Variants in PLS1 observed in about 807,000 individuals in gnomAD.
PLS1 encodes the protein plastin 1, also known as plastin-1.
Under a neutral mutation model 73.7 loss-of-function variants are expected in PLS1, and 32 were observed. That is an observed-to-expected ratio of 0.43 (90% CI 0.33 to 0.58). The LOEUF (loss-of-function observed/expected upper bound fraction) is 0.58. PLS1 is among the 20% of genes least tolerant of loss of function. The pLI is 0.04. For missense variants in PLS1, 633 were observed against 740.5 expected, an observed-to-expected ratio of 0.85 and a Z score of 1.68; for synonymous variants, 217 against 261.3, an observed-to-expected ratio of 0.83 and a Z score of 1.63.
chr3:142,599,405 C>G (rs905102116), intron 1 of PLS1, among the ~76,000 whole-genome samples: 28 of 148,032 alleles, frequency 1.9e-4, no homozygotes, highest in Non-Finnish European at 3.7e-4. Context: ...TCTCGGCTCA[C>G]TGCAAGCTCC....
chr3:142,598,219 C>G (rs948848665), intron 1 of PLS1, among the ~76,000 whole-genome samples: 1 of 152,114 alleles, frequency 6.6e-6, no homozygotes, highest in East Asian at 1.9e-4. Context: ...TCCCAACTTC[C>G]CGACCAGGAA....
At chr3:142,642,460 GA>G in intron 1 of PLS1, among the ~76,000 whole-genome samples, 1 of 152,114 alleles carries the variant, frequency 6.6e-6, no homozygotes, top group South Asian at 2.1e-4. Context: ...CCTACAAATG[GA>G]ATTGTTTCAT....
intron 1 of PLS1, among the ~76,000 whole-genome samples, chr3:142,634,616 C>T (rs2036637721): frequency 6.6e-6 from 1 of 151,924 alleles, no homozygotes; most frequent in Non-Finnish European, 1.5e-5. Flanking sequence ...GAAAAACAGT[C>T]AACCTAGAAT....
intron 1 of PLS1, among the ~76,000 whole-genome samples, chr3:142,647,504 T>TTTC (rs11375725): frequency 5.7e-4 from 17 of 29,690 alleles, no homozygotes; most frequent in Admixed American, 7.2e-4. Flanking sequence ...TTTTCTTTTC[T>TTTC]TTTTTTTTTT....
intron 1 of PLS1, among the ~76,000 whole-genome samples, chr3:142,658,026 C>T (rs923668413): frequency 6.6e-6 from 1 of 151,838 alleles, no homozygotes; most frequent in African/African-American, 2.4e-5. Flanking sequence ...AAGAAGCATC[C>T]TTTTTTCTCT....
At chr3:142,607,252 A>G (rs186795670) in intron 1 of PLS1, among the ~76,000 whole-genome samples, 5 of 152,150 alleles carry the variant, frequency 3.3e-5, no homozygotes, top group Admixed American at 2.6e-4. Flanking sequence ...ATACTCCCAC[A>G]CTGACATACT....
At chr3:142,705,389 G>T (rs1167141662) in intron 14 of PLS1, among the ~76,000 whole-genome samples, 1 of 152,128 alleles carries the variant, frequency 6.6e-6, no homozygotes, top group Non-Finnish European at 1.5e-5. Context: ...CTTCATAATG[G>T]CACTTAACAC....
chr3:142,620,391 T>C (rs2036293191), intron 1 of PLS1, among the ~76,000 whole-genome samples: 1 of 152,098 alleles, frequency 6.6e-6, no homozygotes, highest in African/African-American at 2.4e-5. Context: ...CCTCCCAAAG[T>C]GTTGGGGTTA....
intron 1 of PLS1, among the ~76,000 whole-genome samples, chr3:142,648,098 C>A (rs532907538): frequency 6.6e-6 from 1 of 152,284 alleles, no homozygotes; most frequent in African/African-American, 2.4e-5. Flanking sequence ...TTGATTGCCT[C>A]CAACACTTGG....
In PLS1 at chr3:142,669,377, T is replaced by G; in HGVS notation, c.71-13T>G. On this transcript the variant is annotated splice_polypyrimidine_tract_variant and intron_variant, in intron 2 of 15. Transcript: ENST00000457734. ...AAAGATTACAAAATATATTTTATAA[T>G]ATATCTTTACAGATATTGACAATAG... 1 of 1,421,318 alleles carries G rather than the reference T, an allele frequency of 7.0e-7. No homozygotes were observed. The highest frequency in any genetic ancestry group is 1.3e-5 in the South Asian group (1 of 78,822). The allele number at this position is 1,421,318 out of a possible 1,614,324, so 88.0% of individuals were successfully genotyped here.
intron 1 of PLS1, chr3:142,645,424 G>C (rs914291925): frequency 1.3e-5 from 2 of 152,208 alleles, no homozygotes; most frequent in Admixed American, 1.3e-4. Context: ...TGTTTTAGAG[G>C]TTAAAGTTTA....
In PLS1 at chr3:142,694,508, A is replaced by G. The variant is rs1330675414; in HGVS notation, c.1217A>G (p.Asn406Ser). Residue 406 changes from asparagine to serine, a missense_variant, in exon 11 of 16, where the codon AAT becomes AGT. By Grantham distance (46) the Asn-to-Ser change is conservative. Coordinates refer to ENST00000457734, the MANE Select transcript of PLS1 (RefSeq NM_001145319.2). ...GAGAGAACATTTCGGAACTGGATGA[A>G]TTCCTTGGGAGTCAACCCATACATT... Reference protein sequence around the residue: ...KEERTFRNWMNSLGVNPYINH... With the variant: ...KEERTFRNWMSSLGVNPYINH... 1 of 1,605,496 alleles carries G rather than the reference A, an allele frequency of 6.2e-7. No individual in the cohort carries two copies. The highest frequency in any genetic ancestry group is 1.3e-5 in the African/African-American group (1 of 74,716).
At chr3:142,693,687 G>C (rs1397996532) in intron 10 of PLS1, among the ~76,000 whole-genome samples, 1 of 152,146 alleles carries the variant, frequency 6.6e-6, no homozygotes, top group Admixed American at 6.6e-5. Context: ...GGTATACTAT[G>C]ACCCGCATTT....
At position 142,703,317 on chromosome 3, in the gene PLS1, C is replaced by T. The variant is rs868415401; in HGVS notation, c.1372-551C>T. Among the ~76,000 whole-genome samples the T allele has an allele frequency of 2.3e-3, 251 of 107,048 alleles. 1 individual carries two copies. Among genetic ancestry groups the T allele is most frequent in the African/African-American group, 8.5e-3 (240 of 28,282 alleles). The allele number at this position is 107,048 out of a possible 152,430, so 70.2% of individuals were successfully genotyped here. On this transcript the variant is annotated intron_variant, in intron 12 of 15. Coordinates refer to ENST00000457734, the MANE Select transcript of PLS1 (RefSeq NM_001145319.2). ...TTTTTTTTTTTTTTTTTTTTTGAGA[C>T]GGAGTTTTTGCTCTGTTGCCCAGGC... is the stretch of plus-strand genomic sequence containing the variant.
chr3:142,639,429 GT>G (rs1287622715), intron 1 of PLS1, among the ~76,000 whole-genome samples: 1 of 152,166 alleles, frequency 6.6e-6, no homozygotes, highest in African/African-American at 2.4e-5. Context: ...GAGGGAATGG[GT>G]TCGGATTGTC....
In PLS1 at chr3:142,598,882, T is replaced by C. The variant is rs189626175; in HGVS notation, c.-37+2373T>C. Among the ~76,000 whole-genome samples the C allele has an allele frequency of 2.8e-4, 43 of 151,912 alleles. No individual in the cohort carries two copies. The East Asian group carries it at 7.8e-3, about 28-fold the overall frequency. ...GGGGCATGGTGGTGGGCGCCTGTAGTCCCAGCTACTTGGGAGGCTGAGGCA... is the reference window on the plus strand; with the variant it reads ...GGGGCATGGTGGTGGGCGCCTGTAGCCCCAGCTACTTGGGAGGCTGAGGCA... On this transcript the variant is annotated intron_variant, in intron 1 of 15. Coordinates refer to ENST00000457734, the MANE Select transcript of PLS1 (RefSeq NM_001145319.2).
Position 142,630,877 on chromosome 3 carries a change from A to C in PLS1, c.-36-33325A>C, listed in dbSNP as rs1342394790. On this transcript the variant is annotated intron_variant, in intron 1 of 15. Transcript: ENST00000457734. The stretch of plus-strand genomic sequence containing the variant: ...AGCAGCAGTCTGATATCAAGATGGT[A>C]TAGTACTGGCATAAAGACATATATA... 2.0e-5 allele frequency among the ~76,000 whole-genome samples: 3 copies of C among 151,606 alleles called. No individual in the cohort carries two copies. In the East Asian group the frequency reaches 5.8e-4, roughly 29 times the overall value.
intron 6 of PLS1, among the ~76,000 whole-genome samples, chr3:142,683,360 C>T (rs1395581100): frequency 3.9e-5 from 6 of 152,128 alleles, no homozygotes; most frequent in African/African-American, 1.2e-4. Flanking sequence ...AAAAACTGGC[C>T]GGGCGTGGTG....
chr3:142,671,242 G>C, intron 4 of PLS1, 120 bp downstream of exon 4: 4 of 864,492 alleles, frequency 4.6e-6, no homozygotes, highest in Non-Finnish European at 5.6e-6. Flanking sequence ...TGCCACTGAG[G>C]AGAAAAAAAT....
Sources: gnomAD v4.1 joint callset for allele counts (sites outside exome capture counted in the v4.1 genomes callset) on GRCh38, gnomAD v4.1.1 for gene constraint, MANE v1.5 for transcripts, NCBI Gene and HGNC (gene_info 2026-07-23, HGNC 2026-07-21) for gene names.